Variants in INO80E observed in about 807,000 individuals in gnomAD.
INO80E encodes the protein coiled-coil domain containing 95.
A neutral mutation model predicts 27.3 loss-of-function variants in INO80E; 20 were observed. The ratio of observed to expected loss-of-function variants is 0.73; its 90% confidence interval spans 0.51 to 1.06. The LOEUF is 1.06. Ranked by LOEUF, INO80E falls within the 50% of genes least tolerant of loss-of-function variation. INO80E has a pLI of 0.00. For synonymous variants in INO80E, 167 were observed against 145.9 expected, an observed-to-expected ratio of 1.14 and a Z score of -1.04; for missense variants, 357 against 322.8, an observed-to-expected ratio of 1.11 and a Z score of -0.81.
Position 30,005,308 on chromosome 16 carries a change from A to AG in INO80E, c.601_602insG (p.Thr201SerfsTer7). ...TGGGGCTGGGGTCGGGACAACCCTG[A>AG]CCCCCCTCCCACCCCCTAAGATGCC... is the stretch of plus-strand genomic sequence containing the variant. On this transcript the variant is annotated frameshift_variant, in exon 7 of 7. Transcript: ENST00000563197. LOFTEE classifies it high-confidence loss of function. 5.1e-4 allele frequency: 263 copies of AG among 520,750 alleles called. No homozygotes were observed. The highest frequency in any genetic ancestry group is 1.0e-3 in the South Asian group (38 of 36,978). The allele number at this position is 520,750 out of a possible 1,614,324, so 32.3% of individuals were successfully genotyped here.
At chr16:29,999,606 G>A (rs1471121893) in intron 3 of INO80E, 1 of 152,206 alleles carries the variant, frequency 6.6e-6, no homozygotes, top group East Asian at 1.9e-4. Flanking sequence ...GGCTTCTATA[G>A]GTGTAGCAGT....
chr16:29,997,987 C>G (rs1422059977), intron 3 of INO80E, among the ~76,000 whole-genome samples: 1 of 151,484 alleles, frequency 6.6e-6, no homozygotes, highest in Non-Finnish European at 1.5e-5. Flanking sequence ...GAGGCAGAAC[C>G]AGGAGGATCC....
In INO80E at chr16:30,005,397, T is replaced by C; in HGVS notation, c.690T>C (p.Asp230=). ...QMFSDAGSGD[D]ALDGDDDLVI... is the part of the protein sequence containing the mutation. ...TCAGCGATGCAGGTAGCGGGGACGA[T>C]GCCTTGGATGGAGACGATGACCTGG... The change falls in exon 7 of 7, where the codon GAT becomes GAC. Residue 230 remains aspartate (D), a synonymous_variant. Coordinates refer to ENST00000563197, the MANE Select transcript of INO80E (RefSeq NM_173618.3). The C allele has an allele frequency of 6.5e-7, 1 of 1,539,400 alleles. No homozygotes were observed. The highest frequency in any genetic ancestry group is 1.4e-5 in the African/African-American group (1 of 70,648).
intron 3 of INO80E, among the ~76,000 whole-genome samples, chr16:29,999,995 G>T (rs1308319527): frequency 6.6e-6 from 1 of 152,152 alleles, no homozygotes; most frequent in African/African-American, 2.4e-5. Context: ...GGGGAGTGGG[G>T]CAGAGGCAGG....
intron 1 of INO80E, 45 bp downstream of exon 1, chr16:29,996,436 G>T: frequency 6.4e-7 from 1 of 1,558,096 alleles, no homozygotes. Flanking sequence ...GGCCTGGCGC[G>T]GACAAGATCT....
chr16:30,003,322 C>G lies in INO80E; in HGVS notation c.513+1792C>G, dbSNP rs1326625623. The G allele has an allele frequency of 1.3e-5, 2 of 152,444 alleles. No homozygotes were observed. The highest frequency in any genetic ancestry group is 2.9e-5 in the Non-Finnish European group (2 of 68,270). 9.4% of individuals were successfully genotyped at this position (152,444 alleles called of 1,614,324 possible). ...AAGGGAGACAGGGCCACAGGGAAAG[C>G]ACTGCCTGGGCCAGAGCAGGAGTGG... On this transcript the variant is annotated intron_variant, in intron 6 of 6. Transcript: ENST00000563197. This position sits in a 1 kb window ranked among gnomAD's most constrained non-coding sequence, Gnocchi z 4.4.
rs149816207 is a variant in INO80E at position 30,005,338 on chromosome 16, C to G, written c.631C>G (p.Pro211Ala). Residue 211 changes from proline to alanine, a missense_variant, in exon 7 of 7, where the codon CCC (proline) becomes GCC (alanine). By Grantham distance (27) the Pro-to-Ala change is conservative. Transcript: ENST00000563197. The stretch of plus-strand genomic sequence containing the variant: ...CCTCCCACCCCCTAAGATGCCCCCC[C>G]CCACGATCCTGAGCACGGTCCCTCG... ...TPLPPPKMPP[P>A]TILSTVPRQM... 133 of 1,488,568 alleles carry G rather than the reference C, an allele frequency of 8.9e-5. No individual in the cohort carries two copies. Among genetic ancestry groups the G allele is most frequent in the East Asian group, 4.8e-4 (17 of 35,464 alleles). 92.2% of individuals were successfully genotyped at this position (1,488,568 alleles called of 1,614,324 possible). A position where few individuals can be genotyped will look rare whatever the true frequency, so the allele number is the denominator to read the frequency against.
intron 2 of INO80E, 48 bp from the exon 3 acceptor site, chr16:29,996,760 A>G (rs778455003): frequency 1.1e-4 from 182 of 1,608,558 alleles, no homozygotes; most frequent in Non-Finnish European, 1.5e-4. Flanking sequence ...CCAGGAGGAC[A>G]TTGCTGCGCT....
At chr16:30,000,649 G>T in intron 3 of INO80E, 109 bp from the exon 4 acceptor site, 1 of 841,134 alleles carries the variant, frequency 1.2e-6, no homozygotes. Flanking sequence ...CCAGGCGTGA[G>T]CCCCCGCACC....
intron 6 of INO80E, chr16:30,001,733 G>T: frequency 3.6e-6 from 2 of 548,654 alleles, no homozygotes; most frequent in East Asian, 3.1e-5. Context: ...AGCCTTGGAG[G>T]ACCCGGTGTG....
chr16:30,001,360 A>C (rs1596674572), intron 5 of INO80E, 54 bp from the exon 6 acceptor site: 2 of 1,521,476 alleles, frequency 1.3e-6, no homozygotes, highest in African/African-American at 1.4e-5. Context: ...TTCTTCCCCC[A>C]CCCTCACCCC....
chr16:29,996,824 C>T lies in INO80E; in HGVS notation c.169C>T (p.Leu57Phe), dbSNP rs764036416. 1 of 1,614,200 alleles carries T rather than the reference C, an allele frequency of 6.2e-7. No homozygotes were observed. The highest frequency in any genetic ancestry group is 8.5e-7 in the Non-Finnish European group (1 of 1,180,008). The change falls in exon 3 of 7, where the codon CTT becomes TTT. Residue 57 changes from leucine to phenylalanine, a missense_variant. Physicochemically the swap from Leu to Phe is conservative, Grantham distance 22 (BLOSUM62 0). Transcript: ENST00000563197. ...SRDKSFLLDR[L>F]LQYENVDEDS... ...TCCCCTCAGTTTCCTCCTAGACCGA[C>T]TTCTGCAGTACGAGAACGTGGATGA...
Position 30,000,649 on chromosome 16 carries a change from GC to G in INO80E, c.206-104del, listed in dbSNP as rs2070312422. On this transcript the variant is annotated intron_variant, in intron 3 of 6. Coordinates refer to ENST00000563197, the MANE Select transcript of INO80E (RefSeq NM_173618.3). ...CACAGTGCTGGGATTCCAGGCGTGA[GC>G]CCCCGCACCTGGTCTTCCAGTGCCC... 7.8e-5 allele frequency: 66 copies of G among 841,130 alleles called. No individual in the cohort carries two copies. In the South Asian group the frequency reaches 9.8e-4, roughly 12 times the overall value. The allele number at this position is 841,130 out of a possible 1,614,324, so 52.1% of individuals were successfully genotyped here.
chr16:30,000,990 A>G lies in INO80E; in HGVS notation c.346A>G (p.Thr116Ala), dbSNP rs762065330. ...CTCCAGCCTCTCCCTGCCTCCTTCA[A>G]CAGGGTTTCCCCTTCAGGCCTCCGG... ...SPSSLSLPPS[T>A]GFPLQASGVP... The change falls in exon 5 of 7, where the codon ACA becomes GCA. Residue 116 changes from threonine to alanine, a missense_variant. Transcript: ENST00000563197. 2.6e-6 allele frequency: 4 copies of G among 1,561,572 alleles called. No homozygotes were observed. In the Admixed American group the frequency reaches 7.6e-5, roughly 30 times the overall value.
At chr16:30,001,558 G>A (rs767464002) in intron 6 of INO80E, 28 bp downstream of exon 6, 14 of 1,597,630 alleles carry the variant, frequency 8.8e-6, no homozygotes, top group Admixed American at 5.2e-5. Flanking sequence ...TGCTAGGGAG[G>A]GGCAGGACGG....
At chr16:29,996,915 C>A in intron 3 of INO80E, 55 bp downstream of exon 3, 1 of 1,553,406 alleles carries the variant, frequency 6.4e-7, no homozygotes, top group Non-Finnish European at 8.9e-7. Flanking sequence ...ACTTAGCAAG[C>A]TTCCTGGGCC....
rs780235939 is a variant in INO80E, at chr16:30,000,836, G to A, written c.284G>A (p.Arg95Lys). The A allele has an allele frequency of 1.1e-5, 18 of 1,613,910 alleles. No homozygotes were observed. Among genetic ancestry groups the A allele is most frequent in the Non-Finnish European group, 8.5e-7 (1 of 1,179,892 alleles). The change falls in exon 4 of 7, where the codon AGG becomes AAG. Residue 95 changes from arginine (R) to lysine (K), a missense_variant and splice_region_variant. By Grantham distance (26) the Arg-to-Lys change is conservative (BLOSUM62 2). Transcript: ENST00000563197. ...PKLSDTPAPK[R>K]KRSPPLGGAP... is the part of the protein sequence containing the mutation. ...TTGTCTGACACACCGGCCCCTAAGAGGTGAGAAGAAGATGCATTCCTCTCG... is the reference window on the plus strand; with the variant it reads ...TTGTCTGACACACCGGCCCCTAAGAAGTGAGAAGAAGATGCATTCCTCTCG...
rs953324318 is a variant in INO80E, at chr16:30,003,958, T to C, written c.514-1263T>C. 1.3e-5 allele frequency: 2 copies of C among 152,306 alleles called. No homozygotes were observed. The highest frequency in any genetic ancestry group is 2.9e-5 in the Non-Finnish European group (2 of 68,186). 9.4% of individuals were successfully genotyped at this position (152,306 alleles called of 1,614,324 possible). ...CATCATCCATCCTGCCAGCCTCCTA[T>C]ACCCTGAGGCCTGACCCACCCTGGC... On this transcript the variant is annotated intron_variant, in intron 6 of 6. Coordinates refer to ENST00000563197, the MANE Select transcript of INO80E (RefSeq NM_173618.3). This position sits in a 1 kb window ranked among gnomAD's most constrained non-coding sequence, Gnocchi z 4.4.
At chr16:30,000,366 G>C (rs2070301956) in intron 3 of INO80E, among the ~76,000 whole-genome samples, 1 of 152,072 alleles carries the variant, frequency 6.6e-6, no homozygotes, top group Non-Finnish European at 1.5e-5. Context: ...CTTCTGTTAG[G>C]TTTTGGTTTG....
Sources: allele counts gnomAD v4.1 joint callset (sites outside exome capture counted in the v4.1 genomes callset), GRCh38; gene constraint gnomAD v4.1.1; non-coding constraint Gnocchi (gnomAD v3.1); transcripts MANE v1.5; gene names NCBI Gene and HGNC (gene_info 2026-07-23, HGNC 2026-07-21).